The following QTMAN variants were observed in gnomAD, a reference collection of about 807,000 sequenced individuals.
The protein encoded by QTMAN is tRNA-queuosine alpha-mannosyltransferase.
chr2:144,025,554 T>C, the QTMAN span, among the ~76,000 whole-genome samples: 1 of 152,322 alleles, frequency 6.6e-6, no homozygotes, highest in Admixed American at 6.5e-5. Context: ...GAAAGGACTA[T>C]GCTTAAGAAG....
the QTMAN span, among the ~76,000 whole-genome samples, chr2:144,035,470 A>T: frequency 1.3e-5 from 2 of 152,218 alleles, no homozygotes; most frequent in Non-Finnish European, 2.9e-5. Flanking sequence ...TCATTTCCTT[A>T]TTCAACAGGC....
the QTMAN span, chr2:143,947,030 G>C: frequency 1.5e-5 from 23 of 1,547,534 alleles, no homozygotes; most frequent in African/African-American, 4.1e-5. Flanking sequence ...TAGGCTGCAA[G>C]TTTGTGACTT....
chr2:144,163,495 G>C, the QTMAN span, among the ~76,000 whole-genome samples: 1 of 151,950 alleles, frequency 6.6e-6, no homozygotes, highest in Non-Finnish European at 1.5e-5. Context: ...ATAACTATAA[G>C]GTACAGTTTA....
the QTMAN span, among the ~76,000 whole-genome samples, chr2:144,307,210 CAA>C: frequency 2.9e-5 from 2 of 68,598 alleles, no homozygotes; most frequent in Admixed American, 2.9e-4. Flanking sequence ...AAAGAAAATA[CAA>C]ATGATTCACC....
At chr2:144,211,134 G>C in the QTMAN span, 2 of 152,110 alleles carry the variant, frequency 1.3e-5, no homozygotes, top group Non-Finnish European at 2.9e-5. Context: ...TCTGGTTCAC[G>C]AGTTATCTGC....
At chr2:144,266,866 G>C in the QTMAN span, among the ~76,000 whole-genome samples, 18 of 152,102 alleles carry the variant, frequency 1.2e-4, no homozygotes, top group South Asian at 2.1e-4. Flanking sequence ...AAATACATTT[G>C]TAAGTGTTTC....
chr2:143,945,600 C>A, the QTMAN span: 3 of 152,264 alleles, frequency 2.0e-5, no homozygotes, highest in Non-Finnish European at 4.4e-5. Context: ...CCCTACTGGA[C>A]TTCCGAATCA....
At chr2:144,155,435 T>C in the QTMAN span, among the ~76,000 whole-genome samples, 1 of 152,178 alleles carries the variant, frequency 6.6e-6, no homozygotes, top group Non-Finnish European at 1.5e-5. Context: ...ACTAATATAA[T>C]TAGTATGTGA....
the QTMAN span, among the ~76,000 whole-genome samples, chr2:144,052,974 T>C: frequency 6.6e-6 from 1 of 152,172 alleles, no homozygotes; most frequent in African/African-American, 2.4e-5. Flanking sequence ...TTTTGGGTTA[T>C]GGATACACAG....
the QTMAN span, among the ~76,000 whole-genome samples, chr2:143,949,923 T>G: frequency 6.6e-6 from 1 of 151,704 alleles, no homozygotes; most frequent in Non-Finnish European, 1.5e-5. Flanking sequence ...CTCTATACCT[T>G]GCAACATGCC....
the QTMAN span, among the ~76,000 whole-genome samples, chr2:144,121,723 G>A: frequency 6.6e-6 from 1 of 152,186 alleles, no homozygotes; most frequent in Non-Finnish European, 1.5e-5. Context: ...AATCCTGTAA[G>A]GAAATATTTG....
At chr2:144,140,614 T>G in the QTMAN span, among the ~76,000 whole-genome samples, 4 of 152,092 alleles carry the variant, frequency 2.6e-5, no homozygotes, top group Admixed American at 1.3e-4. Flanking sequence ...AAAATTGCTT[T>G]GTGATCGTGG....
chr2:144,065,073 G>C, the QTMAN span, among the ~76,000 whole-genome samples: 18 of 152,168 alleles, frequency 1.2e-4, 1 homozygote, highest in Admixed American at 1.2e-3. Context: ...GCCAAAGCTG[G>C]GAGCTTATGT....
At chr2:144,157,833 T>C in the QTMAN span, among the ~76,000 whole-genome samples, 1 of 151,940 alleles carries the variant, frequency 6.6e-6, no homozygotes, top group Non-Finnish European at 1.5e-5. Context: ...ATGGTATCTA[T>C]ATAGTACATG....
the QTMAN span, among the ~76,000 whole-genome samples, chr2:144,111,428 A>T: frequency 3.3e-5 from 5 of 152,310 alleles, no homozygotes; most frequent in East Asian, 9.7e-4. Flanking sequence ...TTGGGCTCTA[A>T]AACATAGGTA....
chr2:144,130,387 GTAGT>G, the QTMAN span, among the ~76,000 whole-genome samples: 5 of 151,854 alleles, frequency 3.3e-5, no homozygotes, highest in African/African-American at 1.2e-4. Context: ...GCATAGTAAG[GTAGT>G]TAGTACTAGA....
the QTMAN span, among the ~76,000 whole-genome samples, chr2:144,179,603 G>A: frequency 1.3e-3 from 193 of 152,206 alleles, 2 homozygotes; most frequent in African/African-American, 4.5e-3. Context: ...GGTTCTGAAC[G>A]TCTTCATAAG....
the QTMAN span, among the ~76,000 whole-genome samples, chr2:144,076,284 C>G: frequency 6.6e-6 from 1 of 152,052 alleles, no homozygotes; most frequent in Non-Finnish European, 1.5e-5. Flanking sequence ...TTATGAACAC[C>G]ACATCAGGGC....
the QTMAN span, among the ~76,000 whole-genome samples, chr2:144,193,059 A>G: frequency 2.3e-4 from 35 of 152,196 alleles, no homozygotes; most frequent in Admixed American, 2.0e-3. Flanking sequence ...GTCTCATTCC[A>G]CCACAGGTAT....
Sources: gnomAD v4.1 joint callset for allele counts (sites outside exome capture counted in the v4.1 genomes callset) on GRCh38, gnomAD v4.1.1 for gene constraint, MANE v1.5 for transcripts, NCBI Gene and HGNC (gene_info 2026-07-23, HGNC 2026-07-21) for gene names.